ROBO2: variants seen among roughly 807,000 people sequenced by gnomAD.
The protein encoded by ROBO2 is roundabout homolog 2.
Under a neutral mutation model 160.8 loss-of-function variants are expected in ROBO2, and 53 were observed. The observed-to-expected ratio is 0.33, with a 90% CI of 0.26 to 0.41. The LOEUF (loss-of-function observed/expected upper bound fraction) is 0.41, where lower values mean the gene tolerates loss of function less well. Ranked by LOEUF, ROBO2 falls within the 10% of genes least tolerant of loss-of-function variation. ROBO2 has a pLI of 1.00. For synonymous variants in ROBO2, 664 were observed against 611.7 expected (o/e 1.09, Z -1.26); for missense variants, 1,577 against 1,722.4 (o/e 0.92, Z 1.49).
intron 2 of ROBO2, among the ~76,000 whole-genome samples, chr3:76,444,096 G>A (rs1051002097): frequency 6.6e-6 from 1 of 152,000 alleles, no homozygotes; most frequent in Non-Finnish European, 1.5e-5. Context: ...CTCCTGAGTA[G>A]CTGGGATTAT....
At position 76,747,634 on chromosome 3, in the gene ROBO2, G is replaced by A. The variant is rs73119346; in HGVS notation, c.110-350380G>A. Among the ~76,000 whole-genome samples, 822 of 151,726 alleles carry A rather than the reference G, an allele frequency of 5.4e-3. 6 individuals carry two copies. Among genetic ancestry groups the A allele is most frequent in the Middle Eastern group, 0.02 (6 of 294 alleles). ...AAGAATTTTAAATTTAAAAATCACAGATTTTATTTCTTTGGTTTTTTTAAT... is the reference window on the plus strand; with the variant it reads ...AAGAATTTTAAATTTAAAAATCACAAATTTTATTTCTTTGGTTTTTTTAAT... On this transcript the variant is annotated intron_variant, in intron 2 of 26. Coordinates refer to the ROBO2 transcript ENST00000487694.
At chr3:77,549,997 GT>G (rs2092854022) in intron 7 of ROBO2, among the ~76,000 whole-genome samples, 1 of 114,508 alleles carries the variant, frequency 8.7e-6, no homozygotes. Flanking sequence ...ATACTCAAAT[GT>G]TTTTCTTAAT....
At position 77,623,783 on chromosome 3, in the gene ROBO2, T is replaced by C. The variant is rs566118064; in HGVS notation, c.3760+1351T>C. ...GGGTAAAATTCTGCATATTTTTGCA[T>C]ATTTCACTAATGATACTGAACTCTT... is the stretch of plus-strand genomic sequence containing the variant. On this transcript the variant is annotated intron_variant, in intron 23 of 25. Transcript: ENST00000461745. Among the ~76,000 whole-genome samples the C allele has an allele frequency of 4.0e-4, 61 of 152,304 alleles. 1 individual carries two copies. Among genetic ancestry groups the C allele is most frequent in the East Asian group, 7.7e-4 (4 of 5,184 alleles).
chr3:76,851,764 A>AATATATATATATATATATATATATAT lies in ROBO2; in HGVS notation c.110-246246_110-246245insATATATATATATATATATATATATAT, dbSNP rs1553659596. The stretch of plus-strand genomic sequence containing the variant: ...CTCAAAAAAAAAAAAAAAAAAAAAA[A>AATATATATATATATATATATATATAT]ATATTAACATGTGCTTGAATATAGT... On this transcript the variant is annotated intron_variant, in intron 2 of 26. Transcript: ENST00000487694. Among the ~76,000 whole-genome samples the AATATATATATATATATATATATATAT allele has an allele frequency of 5.8e-5, 8 of 137,038 alleles. No homozygotes were observed. The East Asian group carries it at 1.3e-3, about 23-fold the overall frequency. 89.9% of individuals were successfully genotyped at this position (137,038 alleles called of 152,430 possible).
intron 2 of ROBO2, among the ~76,000 whole-genome samples, chr3:76,334,615 G>A (rs561509427): frequency 2.0e-5 from 3 of 152,108 alleles, no homozygotes; most frequent in East Asian, 1.9e-4. Flanking sequence ...GGCATAACAG[G>A]AAGAATGTAT....
At chr3:77,072,189 A>G (rs1290322070) in intron 1 of ROBO2, among the ~76,000 whole-genome samples, 1 of 152,122 alleles carries the variant, frequency 6.6e-6, no homozygotes, top group Non-Finnish European at 1.5e-5. Flanking sequence ...CTAATGCCTG[A>G]TGATCTTTCA....
chr3:76,259,137 T>TTTTTGTTTTG (rs1008732533), intron 2 of ROBO2, among the ~76,000 whole-genome samples: 1 of 152,076 alleles, frequency 6.6e-6, no homozygotes, highest in Non-Finnish European at 1.5e-5. Flanking sequence ...CTGCTGGTGT[T>TTTTTGTTTTG]TTTTGTTTTG....
At chr3:76,622,344 A>G (rs1230402112) in intron 2 of ROBO2, among the ~76,000 whole-genome samples, 1 of 151,542 alleles carries the variant, frequency 6.6e-6, no homozygotes, top group Non-Finnish European at 1.5e-5. Context: ...GCATACCTGT[A>G]GTCCCAGCTA....
intron 2 of ROBO2, among the ~76,000 whole-genome samples, chr3:77,328,657 G>C (rs1040056842): frequency 6.6e-6 from 1 of 152,170 alleles, no homozygotes; most frequent in Non-Finnish European, 1.5e-5. Context: ...CAATAAAAGA[G>C]ATAGATATAG....
At chr3:75,963,375 T>A (rs1453881362) in intron 2 of ROBO2, among the ~76,000 whole-genome samples, 2 of 151,656 alleles carry the variant, frequency 1.3e-5, no homozygotes, top group African/African-American at 4.8e-5. Context: ...AAGAAAAAAA[T>A]GTGTAGACAT....
At chr3:77,592,629 G>A (rs1300060055) in intron 17 of ROBO2, among the ~76,000 whole-genome samples, 2 of 152,206 alleles carry the variant, frequency 1.3e-5, no homozygotes, top group Non-Finnish European at 2.9e-5. Context: ...TTGGCTCACT[G>A]CAACCTCCAC....
intron 2 of ROBO2, among the ~76,000 whole-genome samples, chr3:76,709,757 T>A: frequency 6.6e-6 from 1 of 152,202 alleles, no homozygotes; most frequent in Non-Finnish European, 1.5e-5. Flanking sequence ...AAAATTAGTT[T>A]TCAGATTATT....
chr3:76,893,443 G>A (rs2074513135), intron 2 of ROBO2, among the ~76,000 whole-genome samples: 1 of 151,966 alleles, frequency 6.6e-6, no homozygotes. Flanking sequence ...TGAAAAAAAT[G>A]ACTCCTTCAA....
intron 6 of ROBO2, among the ~76,000 whole-genome samples, chr3:77,525,075 C>G (rs1437761249): frequency 2.7e-5 from 4 of 150,554 alleles, no homozygotes; most frequent in Admixed American, 6.6e-5. Context: ...ATTTTTTTTT[C>G]TTTGCTAATT....
chr3:76,274,052 G>A lies in ROBO2; in HGVS notation c.109+336450G>A, dbSNP rs192893862. On this transcript the variant is annotated intron_variant, in intron 2 of 26. Coordinates refer to the ROBO2 transcript ENST00000487694. ...GAGGTACCAATCCCATCCATGAAAG[G>A]ATCTAATCACTTCTTAAAGGTACCA... Among the ~76,000 whole-genome samples the A allele has an allele frequency of 5.1e-4, 78 of 152,246 alleles. 1 individual carries two copies. In the Middle Eastern group the frequency reaches 0.02, roughly 40 times the overall value.
intron 2 of ROBO2, among the ~76,000 whole-genome samples, chr3:77,381,545 C>T (rs1378384223): frequency 1.3e-5 from 2 of 152,132 alleles, no homozygotes; most frequent in East Asian, 3.9e-4. Flanking sequence ...TTCAGCATCC[C>T]TTCAATGATT....
rs201063990 is a variant in ROBO2 at position 76,825,603 on chromosome 3, C to CAA, written c.110-272383_110-272382dup. Among the ~76,000 whole-genome samples the CAA allele has an allele frequency of 5.4e-3, 389 of 72,406 alleles. 21 individuals carry two copies. Among genetic ancestry groups the CAA allele is most frequent in the Middle Eastern group, 7.7e-3 (1 of 130 alleles). The allele number at this position is 72,406 out of a possible 152,430, so 47.5% of individuals were successfully genotyped here. On this transcript the variant is annotated intron_variant, in intron 2 of 26. Coordinates refer to the ROBO2 transcript ENST00000487694. ...GAGTCTACCCTTTCATCATCTTAGC[C>CAA]AAAAAAAAAAAAAAAAAAAAAAAAA... is the stretch of plus-strand genomic sequence containing the variant.
At chr3:77,075,047 A>G (rs1271014030) in intron 1 of ROBO2, among the ~76,000 whole-genome samples, 1 of 152,210 alleles carries the variant, frequency 6.6e-6, no homozygotes, top group East Asian at 1.9e-4. Context: ...CTTTTAGAAA[A>G]TGATTAATAA....
chr3:76,029,915 G>A (rs772568282), intron 2 of ROBO2, among the ~76,000 whole-genome samples: 25 of 152,244 alleles, frequency 1.6e-4, no homozygotes, highest in South Asian at 6.2e-4. Flanking sequence ...GGTATTTCTA[G>A]TTAGAGATCC....
Sources: gnomAD v4.1 joint callset for allele counts (sites outside exome capture counted in the v4.1 genomes callset) on GRCh38, gnomAD v4.1.1 for gene constraint, MANE v1.5 for transcripts, NCBI Gene and HGNC (gene_info 2026-07-23, HGNC 2026-07-21) for gene names.